Variants in SHANK2 observed in about 807,000 individuals in gnomAD.
The protein encoded by SHANK2 is SH3 and multiple ankyrin repeat domains 2.
In SHANK2, 43 loss-of-function variants were observed where a neutral mutation model predicts 133.7. The observed-to-expected ratio is 0.32, with a 90% confidence interval of 0.25 to 0.41. SHANK2 has a LOEUF of 0.41. SHANK2 is among the 10% of genes least tolerant of loss of function. The probability of loss-of-function intolerance (pLI) is 1.00; values close to 1 mark genes in which losing one functional copy is unlikely to be tolerated. For synonymous variants in SHANK2, 1,017 were observed against 952.8 expected (o/e 1.07, Z -1.24); for missense variants, 1,994 against 2,235.8 (o/e 0.89, Z 2.18).
intron 14 of SHANK2, among the ~76,000 whole-genome samples, chr11:70,765,233 T>C (rs1422540554): frequency 6.6e-6 from 1 of 152,164 alleles, no homozygotes; most frequent in Non-Finnish European, 1.5e-5. Context: ...AAGATATGCA[T>C]GCAATTCAGG....
rs183756643 is a variant in SHANK2, at chr11:70,823,617, G to T, written c.1175-2935C>A. The stretch of plus-strand genomic sequence containing the variant: ...TTGGCAGCGTTCACGGGGGACAGAG[G>T]TGGCGTTGGCAGCATTCACGGGGGA... On this transcript the variant is annotated intron_variant, in intron 11 of 25. Coordinates refer to ENST00000601538, the MANE Select transcript of SHANK2 (RefSeq NM_012309.5). Among the ~76,000 whole-genome samples the T allele has an allele frequency of 9.0e-4, 132 of 147,216 alleles. 1 individual carries two copies. The highest frequency in any genetic ancestry group is 2.7e-3 in the Admixed American group (40 of 14,854).
At chr11:70,893,784 C>A (rs949026492) in intron 11 of SHANK2, among the ~76,000 whole-genome samples, 6 of 152,190 alleles carry the variant, frequency 3.9e-5, no homozygotes, top group African/African-American at 9.7e-5. Flanking sequence ...TGACTCCCTG[C>A]GTAAGCTGAT....
At chr11:70,729,527 T>C (rs1418242482) in intron 14 of SHANK2, among the ~76,000 whole-genome samples, 5 of 129,360 alleles carry the variant, frequency 3.9e-5, no homozygotes, top group Admixed American at 3.8e-4. Flanking sequence ...ACTTTCTTCA[T>C]TTTTTTTTTT....
intron 14 of SHANK2, among the ~76,000 whole-genome samples, chr11:70,732,109 C>T (rs1242955299): frequency 6.6e-6 from 1 of 152,170 alleles, no homozygotes; most frequent in Non-Finnish European, 1.5e-5. Context: ...CCCAGCCTCA[C>T]CCTCCAGCCC....
intron 17 of SHANK2, among the ~76,000 whole-genome samples, chr11:70,639,059 C>T (rs148421090): frequency 1.5e-3 from 232 of 152,234 alleles, no homozygotes; most frequent in African/African-American, 5.3e-3. Context: ...CTCACACTGC[C>T]CTGAGTCTCA....
At chr11:70,880,757 T>C (rs1949646975) in intron 11 of SHANK2, among the ~76,000 whole-genome samples, 1 of 152,220 alleles carries the variant, frequency 6.6e-6, no homozygotes, top group Non-Finnish European at 1.5e-5. Context: ...CGCATAGATT[T>C]TCCCTCCATA....
At chr11:70,478,749 G>T (rs1555150775) in intron 25 of SHANK2, among the ~76,000 whole-genome samples, 1 of 152,194 alleles carries the variant, frequency 6.6e-6, no homozygotes, top group Non-Finnish European at 1.5e-5. Context: ...TTGAGGTCTG[G>T]CCCAGAACAG....
chr11:71,132,106 C>T (rs182956992), intron 3 of SHANK2, among the ~76,000 whole-genome samples: 8 of 152,290 alleles, frequency 5.3e-5, no homozygotes, highest in Non-Finnish European at 8.8e-5. Context: ...AGGCTGCTGC[C>T]GGGACGCAGA....
chr11:70,684,157 T>A lies in SHANK2; in HGVS notation c.1853+14531A>T, dbSNP rs1945093022. On this transcript the variant is annotated intron_variant, in intron 15 of 25. Transcript: ENST00000601538. ...CTGGGTCCCTGTCCCTGCTACTCACTCTTCATATCCACGGCCCCTCTCCCA... is the reference window on the plus strand; with the variant it reads ...CTGGGTCCCTGTCCCTGCTACTCACACTTCATATCCACGGCCCCTCTCCCA... 2.6e-5 allele frequency among the ~76,000 whole-genome samples: 4 copies of A among 152,074 alleles called. No homozygotes were observed. The South Asian group carries it at 8.3e-4, about 32-fold the overall frequency.
At chr11:70,586,851 C>T (rs1554986874) in intron 17 of SHANK2, among the ~76,000 whole-genome samples, 3 of 152,190 alleles carry the variant, frequency 2.0e-5, no homozygotes, top group East Asian at 1.9e-4. Flanking sequence ...AGCCTAGAGA[C>T]GCCATCCCAG....
intron 15 of SHANK2, among the ~76,000 whole-genome samples, chr11:70,691,938 G>T (rs1294700759): frequency 6.6e-6 from 1 of 152,050 alleles, no homozygotes; most frequent in Admixed American, 6.5e-5. Context: ...TACAGAAAAT[G>T]TATGAAATAA....
chr11:71,098,072 G>A (rs1555095879), intron 6 of SHANK2, among the ~76,000 whole-genome samples: 1 of 150,810 alleles, frequency 6.6e-6, no homozygotes, highest in Admixed American at 6.6e-5. Flanking sequence ...ACATGCCTGT[G>A]TGTATGCATG....
rs192448886 is a variant in SHANK2 at position 70,783,645 on chromosome 11, G to A, written c.1777+14798C>T. Among the ~76,000 whole-genome samples, 95 of 152,232 alleles carry A rather than the reference G, an allele frequency of 6.2e-4. 1 individual carries two copies. The highest frequency in any genetic ancestry group is 2.3e-3 in the African/African-American group (94 of 41,528). ...GCAACTGTGTGCGAGACCAGCCCTG[G>A]GCAGAGACAGTTATCCTGGGGAGGG... On this transcript the variant is annotated intron_variant, in intron 14 of 25. Transcript: ENST00000601538.
intron 2 of SHANK2, among the ~76,000 whole-genome samples, chr11:71,176,148 A>G (rs1555113079): frequency 6.6e-6 from 1 of 152,196 alleles, no homozygotes; most frequent in Non-Finnish European, 1.5e-5. Context: ...CTTAATGGGA[A>G]ATAATCAGAC....
At chr11:70,577,744 G>A (rs1006840853) in intron 17 of SHANK2, among the ~76,000 whole-genome samples, 48 of 149,378 alleles carry the variant, frequency 3.2e-4, no homozygotes, top group Admixed American at 5.3e-4. Context: ...GCTGATAAAC[G>A]GAGGTAAACT....
chr11:70,681,536 C>T (rs1159832464), intron 15 of SHANK2, among the ~76,000 whole-genome samples: 1 of 152,190 alleles, frequency 6.6e-6, no homozygotes, highest in African/African-American at 2.4e-5. Flanking sequence ...ATGGGACCCA[C>T]CAGCGGCACT....
At chr11:71,085,602 A>C (rs1951373681) in intron 8 of SHANK2, among the ~76,000 whole-genome samples, 1 of 86,764 alleles carries the variant, frequency 1.2e-5, no homozygotes, top group Non-Finnish European at 2.0e-5. Context: ...TAATATATAT[A>C]TTAAATATAT....
intron 4 of SHANK2, among the ~76,000 whole-genome samples, chr11:71,117,688 T>A (rs1472546829): frequency 1.3e-5 from 2 of 152,058 alleles, no homozygotes; most frequent in Admixed American, 1.3e-4. Flanking sequence ...AGCAAACACA[T>A]CCACATACTG....
At chr11:70,866,295 G>A (rs782256990) in intron 11 of SHANK2, among the ~76,000 whole-genome samples, 10 of 151,910 alleles carry the variant, frequency 6.6e-5, no homozygotes, top group East Asian at 3.9e-4. Flanking sequence ...ATCGCACCCC[G>A]CGGCACCAAA....
Sources: gnomAD v4.1 joint callset for allele counts (sites outside exome capture counted in the v4.1 genomes callset) on GRCh38, gnomAD v4.1.1 for gene constraint, MANE v1.5 for transcripts, NCBI Gene and HGNC (gene_info 2026-07-23, HGNC 2026-07-21) for gene names.